Variants in SLC35E4 observed in about 807,000 individuals in gnomAD.
The protein encoded by SLC35E4 is solute carrier family 35, member E4.
Under a neutral mutation model 19.3 loss-of-function variants are expected in SLC35E4, and 15 were observed. The ratio of observed to expected loss-of-function variants is 0.78; its 90% CI spans 0.52 to 1.20. The LOEUF is 1.20. Ranked by LOEUF, SLC35E4 falls within the 50% of genes most tolerant of loss-of-function variation. SLC35E4 has a pLI of 0.00. For missense variants in SLC35E4, 406 were observed against 472.3 expected, an observed-to-expected ratio of 0.86 and a Z score of 1.30; for synonymous variants, 219 against 219.9, an observed-to-expected ratio of 1.00 and a Z score of 0.04.
At chr22:30,648,926 T>C (rs569844529), downstream of SLC35E4, among the ~76,000 whole-genome samples, 4 of 152,252 alleles carry the variant, frequency 2.6e-5, no homozygotes, top group East Asian at 5.8e-4. Context: ...AGGGCTCCCA[T>C]GTAGGGAACC....
intron 2 of SLC35E4, among the ~76,000 whole-genome samples, chr22:30,657,322 G>C (rs929121000): frequency 6.6e-6 from 1 of 151,646 alleles, no homozygotes; most frequent in Non-Finnish European, 1.5e-5. Flanking sequence ...AGCCGGGCGT[G>C]GGGGCGGGCA....
At chr22:30,662,015 G>A (rs1474021177) in intron 2 of SLC35E4, 1 of 146,006 alleles carries the variant, frequency 6.8e-6, no homozygotes, top group African/African-American at 2.5e-5. Flanking sequence ...GGTAGGGTCT[G>A]AAAGGACTTA....
rs1352328562 is a variant in SLC35E4, at chr22:30,636,281, C to A, written c.-170C>A. ...CTGAGCTGGAAACACAGCTTAGCTT[C>A]TAGACATCGCTGGCACAGGCCTGGC... On this transcript the variant is annotated 5_prime_UTR_variant, in exon 1 of 2. Coordinates refer to ENST00000343605, the MANE Select transcript of SLC35E4 (RefSeq NM_001001479.4). 2.0e-6 allele frequency: 2 copies of A among 987,834 alleles called. No homozygotes were observed. The allele number at this position is 987,834 out of a possible 1,614,324, so 61.2% of individuals were successfully genotyped here.
At chr22:30,655,429 C>CTAA (rs1389184839) in intron 2 of SLC35E4, among the ~76,000 whole-genome samples, 1 of 111,670 alleles carries the variant, frequency 9.0e-6, no homozygotes, top group Non-Finnish European at 1.8e-5. Context: ...GAGATCCTAC[C>CTAA]AAAAAAAAAA....
intron 1 of SLC35E4, among the ~76,000 whole-genome samples, chr22:30,639,222 CT>C (rs376261722): frequency 6.6e-6 from 1 of 152,060 alleles, no homozygotes; most frequent in Non-Finnish European, 1.5e-5. Flanking sequence ...GTGATGCCCC[CT>C]GAGCCATAAA....
intron 2 of SLC35E4, chr22:30,661,783 G>A (rs376458022): frequency 2.0e-5 from 3 of 152,216 alleles, no homozygotes; most frequent in Non-Finnish European, 4.4e-5. Context: ...AGGGCCTACT[G>A]ATGGAGTCCA....
rs139761363 is a variant in SLC35E4 at position 30,644,045 on chromosome 22, G to A, written c.620-2553G>A. On this transcript the variant is annotated intron_variant, in intron 1 of 1. Transcript: ENST00000343605. The stretch of plus-strand genomic sequence containing the variant: ...GACCTTCCTGCCTGGCTGCCTTGCA[G>A]AGGGTGAAATTTACCAAAGGTGAAG... Among the ~76,000 whole-genome samples the A allele has an allele frequency of 9.3e-3, 1,417 of 152,294 alleles. 59 individuals are homozygous for A. Among genetic ancestry groups the A allele is most frequent in the Admixed American group, 0.084 (1,285 of 15,282 alleles).
intron 1 of SLC35E4, among the ~76,000 whole-genome samples, chr22:30,640,336 A>G (rs1602072229): frequency 6.7e-6 from 1 of 149,126 alleles, no homozygotes; most frequent in South Asian, 2.1e-4. Context: ...ACGCCACTGC[A>G]CTCCAGCCTA....
chr22:30,647,575 TG>T lies in SLC35E4; in HGVS notation c.*547del. ...ACAGACTCTGCACACCACTGGATGG[TG>T]GGTCCAAGCCTGGCACAGTCCCTGT... On this transcript the variant is annotated 3_prime_UTR_variant, in exon 2 of 2. Coordinates refer to ENST00000343605, the MANE Select transcript of SLC35E4 (RefSeq NM_001001479.4). The T allele has an allele frequency of 6.5e-6, 1 of 154,478 alleles. No individual in the cohort carries two copies. The highest frequency in any genetic ancestry group is 1.9e-4 in the East Asian group (1 of 5,198). 9.6% of individuals were successfully genotyped at this position (154,478 alleles called of 1,614,324 possible). A position where few individuals can be genotyped will look rare whatever the true frequency, so the allele number is the denominator to read the frequency against.
intron 2 of SLC35E4, among the ~76,000 whole-genome samples, chr22:30,655,485 A>C (rs967202197): frequency 6.6e-6 from 1 of 151,516 alleles, no homozygotes; most frequent in African/African-American, 2.4e-5. Flanking sequence ...CTGGCATTGC[A>C]TAGCTCAGTC....
At chr22:30,649,768 C>T (rs910257393), downstream of SLC35E4, among the ~76,000 whole-genome samples, 2 of 149,760 alleles carry the variant, frequency 1.3e-5, no homozygotes, top group East Asian at 1.9e-4. Flanking sequence ...TCCAACTGGC[C>T]CCCACTGCCA....
intron 1 of SLC35E4, among the ~76,000 whole-genome samples, chr22:30,637,659 G>C (rs193080469): frequency 6.6e-5 from 10 of 152,238 alleles, no homozygotes; most frequent in Non-Finnish European, 1.5e-5. Flanking sequence ...TGAAGTTCTG[G>C]AATTACAAAC....
At chr22:30,655,461 AAG>A in intron 2 of SLC35E4, among the ~76,000 whole-genome samples, 1 of 148,700 alleles carries the variant, frequency 6.7e-6, no homozygotes, top group Non-Finnish European at 1.5e-5. Flanking sequence ...AAAAGAAAAA[AAG>A]AAGCCACTAG....
At chr22:30,642,826 G>C (rs1246531654) in intron 1 of SLC35E4, among the ~76,000 whole-genome samples, 1 of 151,336 alleles carries the variant, frequency 6.6e-6, no homozygotes, top group Non-Finnish European at 1.5e-5. Context: ...TCAGGAGATT[G>C]AGACCATCCT....
At position 30,637,105 on chromosome 22, in the gene SLC35E4, T is replaced by C. The variant is rs543868874; in HGVS notation, c.619+36T>C. 52 of 1,534,790 alleles carry C rather than the reference T, an allele frequency of 3.4e-5. No homozygotes were observed. The African/African-American group carries it at 6.6e-4, about 19-fold the overall frequency. ...GGGTGGCCAATTGAGAAGGTGGGGG[T>C]CCGGGTGGGTGCATGGCCTGGATGG... On this transcript the variant is annotated intron_variant, in intron 1 of 1. Transcript: ENST00000343605.
At chr22:30,667,161 G>A (rs2088704061), downstream of SLC35E4, 2 of 152,142 alleles carry the variant, frequency 1.3e-5, no homozygotes, top group Admixed American at 6.6e-5. Flanking sequence ...AATCAGACCG[G>A]CGTCTAGAGT....
downstream of SLC35E4, among the ~76,000 whole-genome samples, chr22:30,649,498 G>A (rs2088178974): frequency 6.6e-6 from 1 of 150,580 alleles, no homozygotes; most frequent in Non-Finnish European, 1.5e-5. Context: ...CGGGGTGGGA[G>A]TGGGTAGGGA....
At position 30,636,341 on chromosome 22, in the gene SLC35E4, G is replaced by GAC; in HGVS notation, c.-107_-106dup. The stretch of plus-strand genomic sequence containing the variant: ...CAGTGTCCTCACCTGTCTGAAACGG[G>GAC]ACACGGGGTCGGAGGAACCAGGATC... On this transcript the variant is annotated 5_prime_UTR_variant, in exon 1 of 2. Transcript: ENST00000343605. 6.5e-6 allele frequency: 9 copies of GAC among 1,390,642 alleles called. No homozygotes were observed. The highest frequency in any genetic ancestry group is 8.5e-6 in the Non-Finnish European group (9 of 1,060,094). The allele number at this position is 1,390,642 out of a possible 1,614,324, so 86.1% of individuals were successfully genotyped here.
intron 2 of SLC35E4, among the ~76,000 whole-genome samples, chr22:30,655,225 A>G (rs5997726): frequency 0.64 from 95,551 of 150,448 alleles, 31,371 homozygotes; most frequent in East Asian, 0.81. Flanking sequence ...GGAGGCTGAG[A>G]AAGGTGGATG....
Sources: allele counts gnomAD v4.1 joint callset (sites outside exome capture counted in the v4.1 genomes callset), GRCh38; gene constraint gnomAD v4.1.1; transcripts MANE v1.5; gene names NCBI Gene and HGNC (gene_info 2026-07-23, HGNC 2026-07-21).